LARP4: variants seen among roughly 807,000 people sequenced by gnomAD.
LARP4 encodes La ribonucleoprotein 4.
A neutral mutation model predicts 92.9 loss-of-function variants in LARP4; 29 were observed. The observed-to-expected ratio is 0.31, with a 90% CI of 0.23 to 0.43. The LOEUF (loss-of-function observed/expected upper bound fraction) is 0.43. LARP4 is among the 20% of genes least tolerant of loss of function. LARP4 has a pLI of 1.00. For synonymous variants in LARP4, 279 were observed against 284.1 expected, an observed-to-expected ratio of 0.98 and a Z score of 0.18; for missense variants, 732 against 860.0, an observed-to-expected ratio of 0.85 and a Z score of 1.86.
chr12:50,446,553 C>T (rs1036895790), intron 8 of LARP4, among the ~76,000 whole-genome samples: 5 of 148,358 alleles, frequency 3.4e-5, no homozygotes, highest in East Asian at 2.0e-4. Flanking sequence ...CTCAGCCTCC[C>T]GAGTAGCTGG....
rs1483540148 is a variant in LARP4 at position 50,478,015 on chromosome 12, T to G, written c.*2151T>G. The G allele has an allele frequency of 6.6e-6, 1 of 152,536 alleles. No homozygotes were observed. The highest frequency in any genetic ancestry group is 2.4e-5 in the African/African-American group (1 of 41,458). 9.4% of individuals were successfully genotyped at this position (152,536 alleles called of 1,614,324 possible). ...ATAAACTTAATTACTGCACTTAAAATGAAACATTACTTTTTTTAAACAATG... is the reference window on the plus strand; with the variant it reads ...ATAAACTTAATTACTGCACTTAAAAGGAAACATTACTTTTTTTAAACAATG... On this transcript the variant is annotated 3_prime_UTR_variant, in exon 16 of 16. Transcript: ENST00000398473.
At chr12:50,461,965 A>G (rs755771738) in intron 11 of LARP4, among the ~76,000 whole-genome samples, 1 of 152,066 alleles carries the variant, frequency 6.6e-6, no homozygotes, top group Non-Finnish European at 1.5e-5. Flanking sequence ...CTCAAAATAT[A>G]AATAAACTAT....
At chr12:50,423,745 C>A (rs1440828282) in intron 1 of LARP4, among the ~76,000 whole-genome samples, 1 of 150,592 alleles carries the variant, frequency 6.6e-6, no homozygotes, top group Non-Finnish European at 1.5e-5. Flanking sequence ...TCGTCCCCGG[C>A]CTGTAATTTT....
chr12:50,401,840 G>C (rs1378327056), intron 1 of LARP4, among the ~76,000 whole-genome samples: 2 of 152,186 alleles, frequency 1.3e-5, no homozygotes, highest in African/African-American at 4.8e-5. Flanking sequence ...GCCTATTTTA[G>C]TTTTCAAGAT....
intron 8 of LARP4, among the ~76,000 whole-genome samples, chr12:50,447,132 TC>T (rs985984182): frequency 2.0e-5 from 3 of 152,182 alleles, no homozygotes; most frequent in Admixed American, 1.3e-4. Context: ...TTTGAATTGC[TC>T]CAAAATCGAA....
intron 13 of LARP4, among the ~76,000 whole-genome samples, chr12:50,471,539 T>C (rs886877982): frequency 6.6e-6 from 1 of 152,220 alleles, no homozygotes; most frequent in African/African-American, 2.4e-5. Context: ...TCGAGTGTTT[T>C]TTGAGATGGA....
chr12:50,450,025 C>T (rs771339535), intron 8 of LARP4, among the ~76,000 whole-genome samples: 3 of 142,246 alleles, frequency 2.1e-5, no homozygotes, highest in Non-Finnish European at 4.5e-5. Context: ...CCTCCGCCTC[C>T]TGGGTTCAAG....
chr12:50,474,596 C>T (rs2139213086), intron 15 of LARP4, among the ~76,000 whole-genome samples: 2 of 152,302 alleles, frequency 1.3e-5, no homozygotes, highest in South Asian at 2.1e-4. Context: ...ATCCACCCGC[C>T]TCGGCCTCCC....
chr12:50,459,040 C>G (rs1439510678), intron 10 of LARP4, among the ~76,000 whole-genome samples: 2 of 151,960 alleles, frequency 1.3e-5, no homozygotes, highest in African/African-American at 4.8e-5. Flanking sequence ...TTTTTGTTGC[C>G]CAGGCTGGAG....
intron 1 of LARP4, among the ~76,000 whole-genome samples, chr12:50,419,074 A>C (rs534167787): frequency 6.6e-6 from 1 of 152,132 alleles, no homozygotes; most frequent in African/African-American, 2.4e-5. Context: ...TAAAAAAGCA[A>C]ATGAGGCTGG....
At chr12:50,446,815 A>G (rs561538065) in intron 8 of LARP4, among the ~76,000 whole-genome samples, 15 of 152,252 alleles carry the variant, frequency 9.9e-5, no homozygotes, top group African/African-American at 3.6e-4. Flanking sequence ...ATAATGTATG[A>G]CATTACTTAG....
chr12:50,429,188 T>C (rs1949265507), intron 3 of LARP4, 98 bp downstream of exon 3: 1 of 815,854 alleles, frequency 1.2e-6, no homozygotes, highest in Admixed American at 2.8e-5. Flanking sequence ...TATGGCATTA[T>C]TTTCTTATTT....
chr12:50,416,765 G>A (rs942957767), intron 1 of LARP4, among the ~76,000 whole-genome samples: 3 of 150,782 alleles, frequency 2.0e-5, no homozygotes, highest in African/African-American at 7.3e-5. Flanking sequence ...CAGGCTGATA[G>A]ACTGAAATCA....
At position 50,477,532 on chromosome 12, in the gene LARP4, G is replaced by C. The variant is rs184114185; in HGVS notation, c.*1668G>C. 1 of 152,474 alleles carries C rather than the reference G, an allele frequency of 6.6e-6. No individual in the cohort carries two copies. The highest frequency in any genetic ancestry group is 2.4e-5 in the African/African-American group (1 of 41,412). 9.4% of individuals were successfully genotyped at this position (152,474 alleles called of 1,614,324 possible). A position where few individuals can be genotyped will look rare whatever the true frequency, so the allele number is the denominator to read the frequency against. On this transcript the variant is annotated 3_prime_UTR_variant, in exon 16 of 16. Transcript: ENST00000398473. ...AAATGGTGGTTAAAATTACATTACT[G>C]TGAAATTCATCTTCCAACTCTAAGT...
At chr12:50,403,822 A>C (rs1195127341) in intron 1 of LARP4, among the ~76,000 whole-genome samples, 1 of 152,200 alleles carries the variant, frequency 6.6e-6, no homozygotes, top group Non-Finnish European at 1.5e-5. Context: ...AGTAGTATAT[A>C]CTTGTATCGT....
chr12:50,477,393 T>C lies in LARP4; in HGVS notation c.*1529T>C, dbSNP rs1435252306. On this transcript the variant is annotated 3_prime_UTR_variant, in exon 16 of 16. Transcript: ENST00000398473. ...AGGGATAGTTTGTAATAGTAAGAAC[T>C]GTCCCATATGTTAGTAAATTACATA... 1.3e-5 allele frequency: 2 copies of C among 152,606 alleles called. No homozygotes were observed. The highest frequency in any genetic ancestry group is 4.8e-5 in the African/African-American group (2 of 41,454). The allele number at this position is 152,606 out of a possible 1,614,324, so 9.5% of individuals were successfully genotyped here. A position where few individuals can be genotyped will look rare whatever the true frequency, so the allele number is the denominator to read the frequency against.
At chr12:50,402,449 T>C (rs1334178510) in intron 1 of LARP4, among the ~76,000 whole-genome samples, 1 of 152,200 alleles carries the variant, frequency 6.6e-6, no homozygotes, top group Non-Finnish European at 1.5e-5. Flanking sequence ...CAGCCAGTTT[T>C]TTTAAGGAAT....
At chr12:50,403,916 A>T (rs1761466221) in intron 1 of LARP4, among the ~76,000 whole-genome samples, 1 of 105,466 alleles carries the variant, frequency 9.5e-6, no homozygotes, top group African/African-American at 3.6e-5. Flanking sequence ...AGGTGTTAGT[A>T]TCCCCATTTT....
chr12:50,403,293 C>T (rs1944211563), intron 1 of LARP4, among the ~76,000 whole-genome samples: 1 of 152,106 alleles, frequency 6.6e-6, no homozygotes, highest in South Asian at 2.1e-4. Flanking sequence ...TTTTCTCTAG[C>T]TTCTAACTGA....
Sources: gnomAD v4.1 joint callset for allele counts (sites outside exome capture counted in the v4.1 genomes callset) on GRCh38, gnomAD v4.1.1 for gene constraint, MANE v1.5 for transcripts, NCBI Gene and HGNC (gene_info 2026-07-23, HGNC 2026-07-21) for gene names.